KIF16B: variants seen among roughly 807,000 people sequenced by gnomAD.
The protein encoded by KIF16B is kinesin-like protein KIF16B.
KIF16B carries 98 observed loss-of-function variants against 156.3 expected under a neutral mutation model. The observed-to-expected ratio is 0.63, with a 90% CI of 0.53 to 0.74. KIF16B has a LOEUF of 0.74. Among genes scored for constraint, KIF16B ranks in the 30% least tolerant of loss-of-function variants. The pLI is 0.00. For missense variants in KIF16B, 1,421 were observed against 1,606.5 expected, an observed-to-expected ratio of 0.88 and a Z score of 1.97; for synonymous variants, 564 against 583.7, an observed-to-expected ratio of 0.97 and a Z score of 0.49.
At position 16,508,039 on chromosome 20, in the gene KIF16B, A is replaced by G. The variant is rs201333522; in HGVS notation, c.618T>C (p.Asn206=). 8.8e-5 allele frequency: 142 copies of G among 1,614,012 alleles called. No homozygotes were observed. Among genetic ancestry groups the G allele is most frequent in the Admixed American group, 3.0e-4 (18 of 59,994 alleles). The change falls in exon 7 of 26, where the codon AAT becomes AAC. Residue 206 remains asparagine (N), a synonymous_variant. Transcript: ENST00000354981. ...GDVEELMDAG[N]INRTTAATGM... ...CAGTCGCTGCGGTGGTCCGGTTGATATTGCCCGCATCCATAAGTTCTTCTA... is the reference window on the plus strand; with the variant it reads ...CAGTCGCTGCGGTGGTCCGGTTGATGTTGCCCGCATCCATAAGTTCTTCTA...
At chr20:16,515,927 A>C (rs886702892) in intron 3 of KIF16B, among the ~76,000 whole-genome samples, 2 of 152,248 alleles carry the variant, frequency 1.3e-5, no homozygotes, top group African/African-American at 4.8e-5. Flanking sequence ...ATAAAAATGT[A>C]AACAAGGCAA....
intron 1 of KIF16B, among the ~76,000 whole-genome samples, chr20:16,565,447 T>C (rs1568695672): frequency 6.6e-6 from 1 of 152,172 alleles, no homozygotes; most frequent in African/African-American, 2.4e-5. Flanking sequence ...TAAAAGAGTC[T>C]CACTGATACC....
intron 4 of KIF16B, among the ~76,000 whole-genome samples, chr20:16,514,885 C>CAAAAAAAAAAAAAA (rs10564862): frequency 1.6e-3 from 95 of 60,738 alleles, no homozygotes; most frequent in Middle Eastern, 8.9e-3. Flanking sequence ...GATTCCATCT[C>CAAAAAAAAAAAAAA]AAAAAAAAAA....
At chr20:16,298,127 A>G (rs962844013) in intron 25 of KIF16B, among the ~76,000 whole-genome samples, 3 of 152,190 alleles carry the variant, frequency 2.0e-5, no homozygotes, top group Non-Finnish European at 2.9e-5. Context: ...CAGATTCCTG[A>G]GTCCCACCCT....
intron 24 of KIF16B, among the ~76,000 whole-genome samples, chr20:16,317,240 GAATGAC>G: frequency 6.6e-6 from 1 of 152,160 alleles, no homozygotes; most frequent in Non-Finnish European, 1.5e-5. Flanking sequence ...CAGGAACAGT[GAATGAC>G]AATCTGTAGG....
chr20:16,533,172 G>A (rs1396075298), intron 1 of KIF16B, among the ~76,000 whole-genome samples: 3 of 152,216 alleles, frequency 2.0e-5, no homozygotes, highest in East Asian at 1.9e-4. Context: ...GGCTGGGAAG[G>A]GGGATCAGGA....
intron 15 of KIF16B, among the ~76,000 whole-genome samples, chr20:16,419,629 G>A (rs749654380): frequency 1.3e-5 from 2 of 152,150 alleles, no homozygotes; most frequent in Non-Finnish European, 2.9e-5. Flanking sequence ...TAAAAGAAGA[G>A]ATGAATAGTC....
At chr20:16,327,963 A>G (rs2063884761) in intron 24 of KIF16B, among the ~76,000 whole-genome samples, 1 of 152,206 alleles carries the variant, frequency 6.6e-6, no homozygotes, top group South Asian at 2.1e-4. Context: ...TTGAAATGCT[A>G]GTAATAAAAC....
At chr20:16,427,461 GA>G (rs757132856) in intron 14 of KIF16B, among the ~76,000 whole-genome samples, 40 of 152,046 alleles carry the variant, frequency 2.6e-4, no homozygotes, top group Admixed American at 5.2e-4. Context: ...TTCTTCAAGG[GA>G]TCTGGACATT....
Position 16,378,955 on chromosome 20 carries a change from T to C in KIF16B, c.3047A>G (p.His1016Arg), listed in dbSNP as rs1422140654. ...GGTGGAGTGCCTCTGCAGCGCAGAATGTCTCCTCTCCAGCCTGGCCAGGGC... is the reference window on the plus strand; with the variant it reads ...GGTGGAGTGCCTCTGCAGCGCAGAACGTCTCCTCTCCAGCCTGGCCAGGGC... The part of the protein sequence containing the change: ...ERALARLERR[H>R]SALQRHSTLG... Residue 1016 changes from histidine to arginine, a missense_variant, in exon 19 of 26, where the codon CAT becomes CGT. Transcript: ENST00000354981. 8.1e-6 allele frequency: 13 copies of C among 1,614,016 alleles called. No individual in the cohort carries two copies. Among genetic ancestry groups the C allele is most frequent in the Non-Finnish European group, 1.0e-5 (12 of 1,179,982 alleles).
chr20:16,363,484 C>T (rs550330335), intron 22 of KIF16B, among the ~76,000 whole-genome samples: 3 of 152,150 alleles, frequency 2.0e-5, no homozygotes, highest in African/African-American at 7.2e-5. Flanking sequence ...AAATTAATTG[C>T]CGGTCCTAAT....
chr20:16,394,624 C>T (rs1304063337), intron 17 of KIF16B, among the ~76,000 whole-genome samples: 1 of 152,022 alleles, frequency 6.6e-6, no homozygotes, highest in Non-Finnish European at 1.5e-5. Context: ...TAGAGATAAA[C>T]ACAGTAAATA....
At chr20:16,289,523 T>G (rs2063281138) in intron 25 of KIF16B, among the ~76,000 whole-genome samples, 1 of 152,140 alleles carries the variant, frequency 6.6e-6, no homozygotes, top group African/African-American at 2.4e-5. Context: ...TAAAATCACC[T>G]CATATTAGAT....
chr20:16,352,268 G>A (rs6080235), intron 23 of KIF16B, among the ~76,000 whole-genome samples: 12,130 of 152,148 alleles, frequency 0.08, 522 homozygotes, highest in African/African-American at 0.1. Flanking sequence ...TATAAATTAC[G>A]CCTCAACAGA....
At position 16,536,330 on chromosome 20, in the gene KIF16B, G is replaced by A. The variant is rs1050471927; in HGVS notation, c.48-7890C>T. ...GAGAGTAGAATGATAGATATCAGAG[G>A]CTGGAATGGGTGTACGGGGGTGGGG... On this transcript the variant is annotated intron_variant, in intron 1 of 25. Coordinates refer to ENST00000354981, the MANE Select transcript of KIF16B (RefSeq NM_024704.5). Among the ~76,000 whole-genome samples the A allele has an allele frequency of 2.0e-5, 3 of 152,034 alleles. No individual in the cohort carries two copies. In the East Asian group the frequency reaches 5.8e-4, roughly 29 times the overall value.
chr20:16,287,689 C>T (rs1476108601), intron 25 of KIF16B, among the ~76,000 whole-genome samples: 1 of 152,188 alleles, frequency 6.6e-6, no homozygotes, highest in African/African-American at 2.4e-5. Context: ...GACGTCCTTG[C>T]TCAGGGTATT....
chr20:16,413,992 AT>A (rs1351765561), intron 15 of KIF16B, among the ~76,000 whole-genome samples: 1 of 151,978 alleles, frequency 6.6e-6, no homozygotes, highest in Non-Finnish European at 1.5e-5. Flanking sequence ...TCTTAAAGAT[AT>A]TTATTTATAT....
At chr20:16,381,898 C>T in intron 17 of KIF16B, 151 bp from the exon 18 acceptor site, 4 of 784,516 alleles carry the variant, frequency 5.1e-6, no homozygotes, top group Non-Finnish European at 7.9e-6. Context: ...AAAATGCATT[C>T]TTTGCTTTAG....
At chr20:16,536,165 C>T (rs2069953349) in intron 1 of KIF16B, among the ~76,000 whole-genome samples, 1 of 152,096 alleles carries the variant, frequency 6.6e-6, no homozygotes, top group Admixed American at 6.5e-5. Flanking sequence ...CCATAAAAAA[C>T]AATGAAGTTA....
Sources: gnomAD v4.1 joint callset for allele counts (sites outside exome capture counted in the v4.1 genomes callset) on GRCh38, gnomAD v4.1.1 for gene constraint, MANE v1.5 for transcripts, NCBI Gene and HGNC (gene_info 2026-07-23, HGNC 2026-07-21) for gene names.